The following NCAM2 variants were observed in gnomAD, a reference collection of about 807,000 sequenced individuals.
NCAM2 encodes N-CAM-2.
NCAM2 carries 30 observed loss-of-function variants against 98.1 expected under a neutral mutation model. That is an observed-to-expected ratio of 0.31 (90% CI 0.23 to 0.41). NCAM2 has a LOEUF of 0.41. Ranked by LOEUF, NCAM2 falls within the 10% of genes least tolerant of loss-of-function variation. NCAM2 has a pLI of 1.00. For missense variants in NCAM2, 867 were observed against 1,005.8 expected (o/e 0.86, Z 1.87); for synonymous variants, 368 against 342.4 (o/e 1.07, Z -0.83).
At chr21:21,165,579 A>G (rs145852407) in intron 1 of NCAM2, among the ~76,000 whole-genome samples, 122 of 152,276 alleles carry the variant, frequency 8.0e-4, no homozygotes, top group African/African-American at 2.6e-3. Context: ...AAGTCAACCA[A>G]TTCTTTCTTT....
intron 8 of NCAM2, among the ~76,000 whole-genome samples, chr21:21,343,830 AGGAGAGTCCTAGCGCTGAAC>A (rs1225735144): frequency 1.3e-5 from 2 of 152,156 alleles, no homozygotes; most frequent in African/African-American, 4.8e-5. Context: ...TGCAACTCTT[AGGAGAGTCCTAGCGCTGAAC>A]TGGGCCAAGA....
rs1175970914 is a variant in NCAM2 at position 21,026,859 on chromosome 21, T to C, written c.55+28241T>C. The stretch of plus-strand genomic sequence containing the variant: ...ATGTTTTCTTTTCTTCTTCTTCTTT[T>C]TTTTTTTTTTTTTTTGAGACAGCAT... On this transcript the variant is annotated intron_variant, in intron 1 of 17. Coordinates refer to ENST00000400546, the MANE Select transcript of NCAM2 (RefSeq NM_004540.5). Among the ~76,000 whole-genome samples the C allele has an allele frequency of 3.2e-3, 420 of 132,986 alleles. 1 individual carries two copies. The highest frequency in any genetic ancestry group is 7.8e-3 in the African/African-American group (304 of 38,770). 87.2% of individuals were successfully genotyped at this position (132,986 alleles called of 152,430 possible).
intron 13 of NCAM2, among the ~76,000 whole-genome samples, chr21:21,467,242 A>G (rs183081020): frequency 1.3e-5 from 2 of 151,806 alleles, no homozygotes; most frequent in Non-Finnish European, 2.9e-5. Context: ...TTGAGTTTAC[A>G]TAGAGTGAAG....
At chr21:21,397,378 A>G (rs1311585818) in intron 9 of NCAM2, among the ~76,000 whole-genome samples, 1 of 152,120 alleles carries the variant, frequency 6.6e-6, no homozygotes, top group African/African-American at 2.4e-5. Flanking sequence ...CAGGCTGTTC[A>G]TGCCAAGGGG....
intron 12 of NCAM2, among the ~76,000 whole-genome samples, chr21:21,450,437 T>G (rs1980860624): frequency 6.6e-6 from 1 of 151,716 alleles, no homozygotes; most frequent in Non-Finnish European, 1.5e-5. Flanking sequence ...TTCCAAAACC[T>G]GGGCTCAAGC....
At chr21:21,348,635 C>T (rs1231700994) in intron 8 of NCAM2, among the ~76,000 whole-genome samples, 1 of 151,806 alleles carries the variant, frequency 6.6e-6, no homozygotes, top group Non-Finnish European at 1.5e-5. Context: ...TCATAATAGC[C>T]AAAGCAAAAA....
chr21:21,284,345 A>T lies in NCAM2; in HGVS notation c.282A>T (p.Gln94His), dbSNP rs763572816. 4 of 1,612,960 alleles carry T rather than the reference A, an allele frequency of 2.5e-6. No homozygotes were observed. The highest frequency in any genetic ancestry group is 3.4e-6 in the Non-Finnish European group (4 of 1,179,256). Residue 94 changes from glutamine (Q) to histidine (H), a missense_variant, in exon 3 of 18, where the codon CAA becomes CAT. Transcript: ENST00000400546. ...AAGATGCAGGGATATATCGTTGTCA[A>T]GCAACAGATGCCAAAGGACAAACAC... Reference protein sequence around the residue: ...NIEDAGIYRCQATDAKGQTQE... With the variant: ...NIEDAGIYRCHATDAKGQTQE...
intron 15 of NCAM2, among the ~76,000 whole-genome samples, chr21:21,498,281 A>G (rs1386711160): frequency 1.3e-5 from 2 of 152,142 alleles, no homozygotes; most frequent in Non-Finnish European, 2.9e-5. Context: ...GTTTTTAAGC[A>G]TTATTATTTT....
At chr21:21,360,191 A>C (rs1364424207) in intron 8 of NCAM2, among the ~76,000 whole-genome samples, 2 of 151,910 alleles carry the variant, frequency 1.3e-5, no homozygotes, top group African/African-American at 2.4e-5. Context: ...TTATAACAAA[A>C]ATTGCCTTAA....
intron 10 of NCAM2, among the ~76,000 whole-genome samples, chr21:21,412,076 A>G (rs966302889): frequency 1.4e-4 from 21 of 152,100 alleles, no homozygotes; most frequent in African/African-American, 4.8e-4. Context: ...CTTTAATAAA[A>G]TACTATAGAC....
At chr21:21,279,302 T>C (rs936112985) in intron 1 of NCAM2, among the ~76,000 whole-genome samples, 1 of 152,156 alleles carries the variant, frequency 6.6e-6, no homozygotes, top group Admixed American at 6.5e-5. Context: ...GGTTGACTGA[T>C]TTTATACCCT....
intron 1 of NCAM2, among the ~76,000 whole-genome samples, chr21:21,142,058 G>T (rs142409927): frequency 5.9e-5 from 9 of 152,246 alleles, no homozygotes; most frequent in Middle Eastern, 6.8e-3. Context: ...TGCATAATCG[G>T]TCATGTTACA....
chr21:21,121,637 CTTAT>C (rs988745445), intron 1 of NCAM2, among the ~76,000 whole-genome samples: 7 of 152,036 alleles, frequency 4.6e-5, no homozygotes, highest in Non-Finnish European at 8.8e-5. Flanking sequence ...GTTCAGAATC[CTTAT>C]TTAAAGATAG....
intron 15 of NCAM2, 149 bp from the exon 16 acceptor site, chr21:21,508,702 G>A (rs564518112): frequency 2.3e-5 from 13 of 573,308 alleles, no homozygotes; most frequent in Admixed American, 1.2e-4. Flanking sequence ...GAATTCTGCC[G>A]GTTACTATGA....
intron 1 of NCAM2, among the ~76,000 whole-genome samples, chr21:21,180,769 T>C (rs1601583771): frequency 1.3e-5 from 2 of 152,134 alleles, no homozygotes; most frequent in East Asian, 3.9e-4. Flanking sequence ...TACCATAAAA[T>C]GAAGCAAGCC....
intron 1 of NCAM2, among the ~76,000 whole-genome samples, chr21:21,180,840 A>G (rs2068445509): frequency 6.6e-6 from 1 of 152,200 alleles, no homozygotes; most frequent in Non-Finnish European, 1.5e-5. Context: ...TAGTGTCTCA[A>G]GCCTCAAACT....
chr21:21,135,114 C>T (rs891535497), intron 1 of NCAM2, among the ~76,000 whole-genome samples: 6 of 151,480 alleles, frequency 4.0e-5, no homozygotes, highest in African/African-American at 7.3e-5. Flanking sequence ...GGCGTGGTGC[C>T]GGGCACCTGT....
rs549615176 is a variant in NCAM2, at chr21:21,174,694, G to A, written c.56-105884G>A. On this transcript the variant is annotated intron_variant, in intron 1 of 17. Transcript: ENST00000400546. ...TTGTCAGGGAACAAATAAAATTACT[G>A]CCTTTAGGGAGAAAACAAGTTTAGC... Among the ~76,000 whole-genome samples the A allele has an allele frequency of 7.9e-5, 12 of 152,142 alleles. No homozygotes were observed. In the South Asian group the frequency reaches 2.3e-3, roughly 29 times the overall value.
At chr21:21,250,483 CAAT>C (rs2071430384) in intron 1 of NCAM2, among the ~76,000 whole-genome samples, 1 of 152,044 alleles carries the variant, frequency 6.6e-6, no homozygotes, top group South Asian at 2.1e-4. Flanking sequence ...TTTTTTCTAA[CAAT>C]AAGCAAAGAA....
Sources: gnomAD v4.1 joint callset for allele counts (sites outside exome capture counted in the v4.1 genomes callset) on GRCh38, gnomAD v4.1.1 for gene constraint, MANE v1.5 for transcripts, NCBI Gene and HGNC (gene_info 2026-07-23, HGNC 2026-07-21) for gene names.